Variants in ZFX observed in about 807,000 individuals in gnomAD.
ZFX encodes the protein zinc finger X-chromosomal protein.
For missense variants in ZFX, 362 were observed against 628.3 expected (o/e 0.58, Z 4.53); for synonymous variants, 196 against 226.8 (o/e 0.86, Z 1.22).
At position 24,215,377 on chromosome X, in the gene ZFX, C is replaced by T. The variant is rs1328393219; in HGVS notation, c.*4001C>T. 1.8e-5 allele frequency: 2 copies of T among 111,386 alleles called. No homozygotes were observed. Among genetic ancestry groups the T allele is most frequent in the African/African-American group, 3.3e-5 (1 of 30,642 alleles). 9.2% of individuals were successfully genotyped at this position (111,386 alleles called of 1,213,427 possible). On this transcript the variant is annotated 3_prime_UTR_variant, in exon 10 of 10. Transcript: ENST00000304543. ...AGAGCAGTGGTTTTCAAAGTATGGC[C>T]GGACAGCATTGGCAGCATCTTAATC...
intron 5 of ZFX, among the ~76,000 whole-genome samples, chrX:24,193,153 T>G (rs953615140): frequency 1.3e-4 from 15 of 112,020 alleles, no homozygotes; most frequent in African/African-American, 4.5e-4. Context: ...CATAGCAGTA[T>G]TATTCACATT....
intron 3 of ZFX, among the ~76,000 whole-genome samples, chrX:24,155,022 G>C (rs1321602429): frequency 9.1e-6 from 1 of 110,348 alleles, no homozygotes; most frequent in Non-Finnish European, 1.9e-5. Flanking sequence ...ATAACTATTG[G>C]GTACTGGGCT....
At chrX:24,209,676 G>A (rs5990012) in intron 9 of ZFX, among the ~76,000 whole-genome samples, 37,616 of 109,852 alleles carry the variant, frequency 0.34, 4,756 homozygotes, top group South Asian at 0.63. Context: ...CCTGGGTACA[G>A]GTGGTTCTCC....
intron 4 of ZFX, chrX:24,177,714 C>A: frequency 1.3e-6 from 1 of 752,664 alleles, no homozygotes; most frequent in Non-Finnish European, 1.6e-6. Flanking sequence ...ATTTCTATAG[C>A]CATAGATGGA....
At chrX:24,150,423 G>A (rs964862654) in intron 1 of ZFX, 1 of 112,388 alleles carries the variant, frequency 8.9e-6, no homozygotes, top group East Asian at 2.8e-4. Context: ...TCCCCGTGGC[G>A]GCCATTGCCC....
At chrX:24,180,515 G>A (rs1201935384) in intron 5 of ZFX, among the ~76,000 whole-genome samples, 1 of 109,751 alleles carries the variant, frequency 9.1e-6, no homozygotes, top group Admixed American at 9.8e-5. Flanking sequence ...CCAAGTAGCT[G>A]GGATTGTAGG....
chrX:24,172,917 A>C, intron 4 of ZFX, 117 bp downstream of exon 4: 4 of 754,181 alleles, frequency 5.3e-6, no homozygotes, highest in Non-Finnish European at 7.5e-6. Context: ...ATCCTGTCAA[A>C]ATTCACAGGT....
Position 24,208,884 on chromosome X carries a change from T to A in ZFX, c.1094-16T>A. On this transcript the variant is annotated splice_polypyrimidine_tract_variant and intron_variant, in intron 8 of 9. Transcript: ENST00000304543. ...TATAATACTGTATAATTTTGTTTTT[T>A]AATACACATTGTTAGGTAATAATTC... 1 of 1,206,187 alleles carries A rather than the reference T, an allele frequency of 8.3e-7. No individual in the cohort carries two copies. The highest frequency in any genetic ancestry group is 1.1e-6 in the Non-Finnish European group (1 of 892,672).
chrX:24,152,829 AG>A lies in ZFX; in HGVS notation c.-29+1del, dbSNP rs1179764055. On this transcript the variant is annotated splice_region_variant and 5_prime_UTR_variant, in exon 3 of 10. Transcript: ENST00000304543. ...TAGAGTCAAGTTGTGTGATTAAGACAGGTAAGTGTGTAGTTTAGTTTCAATT... is the reference window on the plus strand; with the variant it reads ...TAGAGTCAAGTTGTGTGATTAAGACAGTAAGTGTGTAGTTTAGTTTCAATT... The A allele has an allele frequency of 2.7e-5, 3 of 112,674 alleles. No individual in the cohort carries two copies. Among genetic ancestry groups the A allele is most frequent in the Non-Finnish European group, 5.6e-5 (3 of 53,330 alleles). 9.3% of individuals were successfully genotyped at this position (112,674 alleles called of 1,213,427 possible).
At position 24,212,751 on chromosome X, in the gene ZFX, TAC is replaced by T; in HGVS notation, c.*1377_*1378del. The stretch of plus-strand genomic sequence containing the variant: ...TCAGGCTGATCTGTTATTTCTCAGT[TAC>T]AGTTAGCAAACTTTAAAAACTTAAC... On this transcript the variant is annotated 3_prime_UTR_variant, in exon 10 of 10. Transcript: ENST00000304543. 1 of 112,610 alleles carries T rather than the reference TAC, an allele frequency of 8.9e-6. No homozygotes were observed. The highest frequency in any genetic ancestry group is 4.7e-3 in the Middle Eastern group (1 of 215). 9.3% of individuals were successfully genotyped at this position (112,610 alleles called of 1,213,427 possible).
In ZFX at chrX:24,158,123, T is replaced by C. The variant is rs763191611; in HGVS notation, c.-29+5293T>C. On this transcript the variant is annotated intron_variant, in intron 3 of 9. Coordinates refer to ENST00000304543, the MANE Select transcript of ZFX (RefSeq NM_003410.4). Reference sequence around the variant, plus strand: ...TCTGTCTAAATAAGTCTGAATTGTCTTGATAAATCTAGAATGAAAATCCTA... The same window carrying C: ...TCTGTCTAAATAAGTCTGAATTGTCCTGATAAATCTAGAATGAAAATCCTA... 1.6e-4 allele frequency among the ~76,000 whole-genome samples: 18 copies of C among 112,092 alleles called. No individual in the cohort carries two copies. In the East Asian group the frequency reaches 4.4e-3, roughly 28 times the overall value.
At chrX:24,194,002 T>A (rs1007595504) in intron 5 of ZFX, among the ~76,000 whole-genome samples, 2 of 111,253 alleles carry the variant, frequency 1.8e-5, no homozygotes, top group African/African-American at 6.5e-5. Context: ...CAGCCACCCT[T>A]TTACTTTCTG....
intron 5 of ZFX, among the ~76,000 whole-genome samples, chrX:24,205,855 TAAAAA>T (rs919380224): frequency 9.0e-6 from 1 of 110,987 alleles, no homozygotes; most frequent in African/African-American, 3.3e-5. Flanking sequence ...AATAAATAAA[TAAAAA>T]TAAAATAAAA....
chrX:24,179,033 A>G (rs949058589), intron 4 of ZFX, 150 bp from the exon 5 acceptor site: 2 of 490,118 alleles, frequency 4.1e-6, no homozygotes, highest in African/African-American at 4.8e-5. Flanking sequence ...TGATTCAAAA[A>G]TAGATTCCCT....
intron 5 of ZFX, among the ~76,000 whole-genome samples, chrX:24,182,199 T>C (rs192274340): frequency 2.8e-4 from 31 of 110,974 alleles, no homozygotes; most frequent in African/African-American, 8.8e-4. Context: ...TGTTACAGTT[T>C]GAATTGCTTG....
At chrX:24,194,102 A>G (rs762227508) in intron 5 of ZFX, among the ~76,000 whole-genome samples, 1 of 111,833 alleles carries the variant, frequency 8.9e-6, no homozygotes, top group Non-Finnish European at 1.9e-5. Flanking sequence ...TTCACCTAGC[A>G]TGATTTTTCA....
intron 3 of ZFX, among the ~76,000 whole-genome samples, chrX:24,156,449 G>A (rs200765075): frequency 9.1e-6 from 1 of 110,482 alleles, no homozygotes; most frequent in Non-Finnish European, 1.9e-5. Context: ...TTAATTCACC[G>A]GAGTTTTTTG....
At chrX:24,189,915 AT>A (rs1368734972) in intron 5 of ZFX, among the ~76,000 whole-genome samples, 1 of 111,940 alleles carries the variant, frequency 8.9e-6, no homozygotes, top group African/African-American at 3.2e-5. Context: ...TACCCTACCA[AT>A]TTTTTAAAAA....
intron 5 of ZFX, among the ~76,000 whole-genome samples, chrX:24,180,390 T>TC (rs1238951027): frequency 4.6e-5 from 5 of 109,313 alleles, no homozygotes; most frequent in African/African-American, 1.7e-4. Flanking sequence ...TTACTTTTTT[T>TC]TTTTTTTCGG....
Sources: gnomAD v4.1 joint callset for allele counts (sites outside exome capture counted in the v4.1 genomes callset) on GRCh38, gnomAD v4.1.1 for gene constraint, MANE v1.5 for transcripts, NCBI Gene and HGNC (gene_info 2026-07-23, HGNC 2026-07-21) for gene names.